The following HDAC5 variants were observed in gnomAD, a reference collection of about 807,000 sequenced individuals.
HDAC5 encodes the protein histone deacetylase 5.
HDAC5 carries 25 observed loss-of-function variants against 133.3 expected under a neutral mutation model. That is an observed-to-expected ratio of 0.19 (90% CI 0.14 to 0.26). HDAC5 has a LOEUF of 0.26. Among genes scored for constraint, HDAC5 ranks in the 10% least tolerant of loss-of-function variants. The pLI is 1.00. For synonymous variants in HDAC5, 589 were observed against 610.8 expected (o/e 0.96, Z 0.53); for missense variants, 1,041 against 1,460.5 (o/e 0.71, Z 4.68).
chr17:44,092,701 T>TCGA lies in HDAC5; in HGVS notation c.744_746dup (p.Arg249dup). On this transcript the variant is annotated inframe_insertion, in exon 7 of 27. Coordinates refer to ENST00000682912, the MANE Select transcript of HDAC5 (RefSeq NM_005474.5). ...CTGTTTTGCGGAGGGGGAAGTCGTC[T>TCGA]CGACTGTCGTAGGGCCCAGGCAAAG... 1 of 1,514,906 alleles carries TCGA rather than the reference T, an allele frequency of 6.6e-7. No individual in the cohort carries two copies. Among genetic ancestry groups the TCGA allele is most frequent in the East Asian group, 2.3e-5 (1 of 43,704 alleles). The allele number at this position is 1,514,906 out of a possible 1,614,324, so 93.8% of individuals were successfully genotyped here. A position where few individuals can be genotyped will look rare whatever the true frequency, so the allele number is the denominator to read the frequency against.
intron 3 of HDAC5, among the ~76,000 whole-genome samples, chr17:44,103,705 T>C (rs1037251065): frequency 1.3e-5 from 2 of 151,656 alleles, no homozygotes; most frequent in Admixed American, 1.3e-4. Context: ...CTCAGAATGG[T>C]TTTTTCTTTT....
At chr17:44,104,484 G>A (rs146709066) in intron 3 of HDAC5, among the ~76,000 whole-genome samples, 81 of 152,236 alleles carry the variant, frequency 5.3e-4, no homozygotes, top group African/African-American at 1.9e-3. Flanking sequence ...GTCACTCTGC[G>A]GTCCTGGCAC....
At chr17:44,085,803 A>G (rs1195136267) in intron 14 of HDAC5, among the ~76,000 whole-genome samples, 1 of 151,016 alleles carries the variant, frequency 6.6e-6, no homozygotes, top group Non-Finnish European at 1.5e-5. Context: ...CACCCAACCT[A>G]TTTTTTTATT....
In HDAC5 at chr17:44,087,528, C is replaced by T. The variant is rs1286276359; in HGVS notation, c.1768G>A (p.Asp590Asn). 3.7e-6 allele frequency: 6 copies of T among 1,611,926 alleles called. No homozygotes were observed. In the South Asian group the frequency reaches 5.5e-5, roughly 15 times the overall value. ...ESTQEDLEEE[D>N]EEDDGEEEED... ...TCCTCCTCCCCATCGTCTTCCTCGT[C>T]CTCCTCCTCCAGGTCTTCCTGTGTG... Residue 590 changes from aspartate to asparagine, a missense_variant, in exon 13 of 27, where the codon GAC becomes AAC. Transcript: ENST00000682912.
At chr17:44,122,686 C>T (rs1008245765) in intron 1 of HDAC5, among the ~76,000 whole-genome samples, 5 of 152,146 alleles carry the variant, frequency 3.3e-5, no homozygotes, top group African/African-American at 1.2e-4. Flanking sequence ...TACACCCAGC[C>T]AGTTCTCATC....
intron 3 of HDAC5, among the ~76,000 whole-genome samples, chr17:44,102,738 G>A (rs1468204080): frequency 8.0e-6 from 1 of 124,738 alleles, no homozygotes; most frequent in Non-Finnish European, 1.7e-5. Context: ...GTGATCTCGG[G>A]TCACTGCAAC....
intron 23 of HDAC5, among the ~76,000 whole-genome samples, chr17:44,079,654 A>AG (rs1430822315): frequency 2.0e-5 from 3 of 151,690 alleles, no homozygotes; most frequent in South Asian, 2.1e-4. Context: ...AAAAAAAAAA[A>AG]AAAAAAGAAA....
Position 44,092,792 on chromosome 17 carries a change from G to T in HDAC5, c.656C>A (p.Ala219Asp). ...GGGAGGGGAACTCTGGTCCAAAGAA[G>T]CATGGTGGGCTCCCCTGGGGTGGGG... ...QHPKCWGAHH[A>D]SLDQSSPPQS... The change falls in exon 7 of 27, where the codon GCT becomes GAT. Residue 219 changes from alanine to aspartate, a missense_variant. Around this residue, in one of 9 missense-constraint regions of HDAC5, gnomAD observed 56 missense variants for 41.3 expected, o/e 1.36. Coordinates refer to ENST00000682912, the MANE Select transcript of HDAC5 (RefSeq NM_005474.5). The T allele has an allele frequency of 1.4e-6, 1 of 701,086 alleles. No individual in the cohort carries two copies. Among genetic ancestry groups the T allele is most frequent in the Non-Finnish European group, 2.0e-6 (1 of 502,710 alleles). The allele number at this position is 701,086 out of a possible 1,614,324, so 43.4% of individuals were successfully genotyped here. A position where few individuals can be genotyped will look rare whatever the true frequency, so the allele number is the denominator to read the frequency against.
Position 44,086,768 on chromosome 17 carries a change from C to G in HDAC5, c.1885-31G>C. The G allele has an allele frequency of 2.3e-6, 3 of 1,277,576 alleles. No homozygotes were observed. The South Asian group carries it at 1.1e-4, about 48-fold the overall frequency. 79.1% of individuals were successfully genotyped at this position (1,277,576 alleles called of 1,614,324 possible). A position where few individuals can be genotyped will look rare whatever the true frequency, so the allele number is the denominator to read the frequency against. On this transcript the variant is annotated intron_variant, in intron 13 of 26. Coordinates refer to ENST00000682912, the MANE Select transcript of HDAC5 (RefSeq NM_005474.5). ...GGGGAGAATGGGAGGGGGCCTGGGT[C>G]AGACTCAGCCAGGACAGGGGTGAGG...
At chr17:44,085,326 CTTTT>C (rs56379369) in intron 14 of HDAC5, 171 bp from the exon 15 acceptor site, 21 of 376,548 alleles carry the variant, frequency 5.6e-5, no homozygotes, top group Non-Finnish European at 6.1e-5. Context: ...TCCTCTCCAG[CTTTT>C]TTTTTTTTTT....
Position 44,093,393 on chromosome 17 carries a change from C to T in HDAC5, c.447G>A (p.Gln149=). 1 of 1,590,194 alleles carries T rather than the reference C, an allele frequency of 6.3e-7. No individual in the cohort carries two copies. Among genetic ancestry groups the T allele is most frequent in the East Asian group, 2.3e-5 (1 of 44,260 alleles). ...GCTTCTCCAGCTCTTCCTGCCGCTGCTGCTCCCGCTGCCGCTGCTGCTCCA... is the reference window on the plus strand; with the variant it reads ...GCTTCTCCAGCTCTTCCTGCCGCTGTTGCTCCCGCTGCCGCTGCTGCTCCA... ...QELEQQRQRE[Q]QRQEELEKQR... Residue 149 remains glutamine, a synonymous_variant, in exon 5 of 27, where the codon CAG becomes CAA. Coordinates refer to ENST00000682912, the MANE Select transcript of HDAC5 (RefSeq NM_005474.5).
intron 20 of HDAC5, chr17:44,081,958 T>C (rs1343303498): frequency 2.0e-5 from 3 of 152,228 alleles, no homozygotes. Context: ...CCAAGAGATT[T>C]TGTCCTTCCT....
At chr17:44,098,879 GTCCGAGGCGGGAGGATCAC>G (rs1350179365) in intron 3 of HDAC5, among the ~76,000 whole-genome samples, 2 of 151,700 alleles carry the variant, frequency 1.3e-5, no homozygotes, top group Non-Finnish European at 2.9e-5. Context: ...CATTTTGGGA[GTCCGAGGCGGGAGGATCAC>G]TTGAGGTCAG....
At chr17:44,088,837 C>T (rs2050794575) in intron 11 of HDAC5, among the ~76,000 whole-genome samples, 1 of 152,136 alleles carries the variant, frequency 6.6e-6, no homozygotes, top group Non-Finnish European at 1.5e-5. Context: ...CCTGGATTCA[C>T]CATCTTTTCC....
Position 44,082,423 on chromosome 17 carries a change from G to A in HDAC5, c.2607+162C>T, listed in dbSNP as rs546717965. On this transcript the variant is annotated intron_variant, in intron 20 of 26. Coordinates refer to ENST00000682912, the MANE Select transcript of HDAC5 (RefSeq NM_005474.5). ...TGTTGGAATGTGACGTTAGTCATCCGGCAGGAGCCCCAGCGCCCTTCCTTC... is the reference window on the plus strand; with the variant it reads ...TGTTGGAATGTGACGTTAGTCATCCAGCAGGAGCCCCAGCGCCCTTCCTTC... 3.3e-4 allele frequency: 200 copies of A among 609,430 alleles called. 2 individuals are homozygous for A. The South Asian group carries it at 3.4e-3, about 10-fold the overall frequency. 37.8% of individuals were successfully genotyped at this position (609,430 alleles called of 1,614,324 possible).
chr17:44,090,305 G>A (rs1011716098), intron 11 of HDAC5, among the ~76,000 whole-genome samples: 1 of 152,118 alleles, frequency 6.6e-6, no homozygotes, highest in South Asian at 2.1e-4. Flanking sequence ...AAGAATAACT[G>A]CATATGTATT....
At chr17:44,083,922 GA>G in intron 16 of HDAC5, 68 bp from the exon 17 acceptor site, 1 of 1,253,124 alleles carries the variant, frequency 8.0e-7, no homozygotes, top group Middle Eastern at 1.9e-4. Flanking sequence ...TCAGGAGTTC[GA>G]GACCAGCCTG....
chr17:44,105,706 G>A (rs1290915534), intron 3 of HDAC5, among the ~76,000 whole-genome samples: 3 of 152,160 alleles, frequency 2.0e-5, no homozygotes, highest in Non-Finnish European at 4.4e-5. Flanking sequence ...ACTGACAGGC[G>A]GCTGGGAGTT....
chr17:44,098,687 G>A (rs1323654270), intron 3 of HDAC5, among the ~76,000 whole-genome samples: 2 of 147,646 alleles, frequency 1.4e-5, no homozygotes, highest in African/African-American at 2.5e-5. Context: ...GTTGCAATGA[G>A]CCCAGATCAT....
Sources: allele counts gnomAD v4.1 joint callset (sites outside exome capture counted in the v4.1 genomes callset), GRCh38; gene constraint gnomAD v4.1.1; regional missense constraint gnomAD v4.1.1; transcripts MANE v1.5; gene names NCBI Gene and HGNC (gene_info 2026-07-23, HGNC 2026-07-21).